SLC1A6: variants seen among roughly 807,000 people sequenced by gnomAD.
SLC1A6 encodes the protein solute carrier family 1 member 6, also known as excitatory amino acid transporter 4.
SLC1A6 carries 15 observed loss-of-function variants against 42.1 expected under a neutral mutation model. The ratio of observed to expected loss-of-function variants is 0.36; its 90% CI spans 0.24 to 0.55. The LOEUF (loss-of-function observed/expected upper bound fraction) is 0.55. Ranked by LOEUF, SLC1A6 falls within the 20% of genes least tolerant of loss-of-function variation. SLC1A6 has a pLI of 0.88. For synonymous variants in SLC1A6, 317 were observed against 319.7 expected (o/e 0.99, Z 0.09); for missense variants, 542 against 772.5 (o/e 0.70, Z 3.54).
At chr19:14,989,522 A>G (rs1194039817) in intron 1 of SLC1A6, among the ~76,000 whole-genome samples, 1 of 151,896 alleles carries the variant, frequency 6.6e-6, no homozygotes, top group Non-Finnish European at 1.5e-5. Flanking sequence ...CGGCCTCCCA[A>G]AGTGTGGAAT....
rs182421988 is a variant in SLC1A6, at chr19:14,991,348, G to A, written c.7-18431C>T. Among the ~76,000 whole-genome samples the A allele has an allele frequency of 8.5e-5, 13 of 152,262 alleles. No individual in the cohort carries two copies. In the East Asian group the frequency reaches 2.3e-3, roughly 27 times the overall value. On this transcript the variant is annotated intron_variant, in intron 1 of 8. Coordinates refer to the SLC1A6 transcript ENST00000430939. ...CTCTTTAAAAGGGTTAATTTGACTA[G>A]GTGCGGTGGCTCATACCTGTAATCC... is the stretch of plus-strand genomic sequence containing the variant.
At chr19:14,957,430 G>C (rs1350747728) in intron 6 of SLC1A6, among the ~76,000 whole-genome samples, 1 of 152,148 alleles carries the variant, frequency 6.6e-6, no homozygotes, top group Non-Finnish European at 1.5e-5. Flanking sequence ...CATGAGGGTA[G>C]AGCCATCATG....
At chr19:14,980,727 T>C (rs1159940743), upstream of SLC1A6, among the ~76,000 whole-genome samples, 1 of 151,998 alleles carries the variant, frequency 6.6e-6, no homozygotes, top group Admixed American at 6.6e-5. Flanking sequence ...GAAGTGTTGA[T>C]GGCGACCTCC....
At chr19:14,960,558 TATGA>T (rs1299974063) in intron 6 of SLC1A6, among the ~76,000 whole-genome samples, 15 of 152,258 alleles carry the variant, frequency 9.9e-5, no homozygotes, top group South Asian at 2.1e-4. Context: ...TGCAGAAAGG[TATGA>T]ATGAATGAAT....
At chr19:14,972,592 C>T (rs1600011174) in intron 2 of SLC1A6, 114 bp downstream of exon 2, 1 of 800,306 alleles carries the variant, frequency 1.2e-6, no homozygotes, top group Non-Finnish European at 2.1e-6. Flanking sequence ...GGGACTGGGA[C>T]GTGTGTGCAG....
At chr19:14,969,206 C>T (rs1228856227) in intron 3 of SLC1A6, among the ~76,000 whole-genome samples, 1 of 152,176 alleles carries the variant, frequency 6.6e-6, no homozygotes, top group African/African-American at 2.4e-5. Flanking sequence ...TCCTCCAACC[C>T]ACCTCACGGC....
At chr19:15,010,467 C>G (rs1316757951) in intron 1 of SLC1A6, 1 of 508,104 alleles carries the variant, frequency 2.0e-6, no homozygotes, top group Admixed American at 2.3e-5. Context: ...AGAAGCCTGG[C>G]CCTTCTTCCA....
At chr19:14,995,639 T>C (rs1187673322) in intron 1 of SLC1A6, among the ~76,000 whole-genome samples, 2 of 152,160 alleles carry the variant, frequency 1.3e-5, no homozygotes, top group Non-Finnish European at 2.9e-5. Context: ...ACAATATATA[T>C]ATACGATAAA....
At chr19:14,981,325 C>T (rs985757757), upstream of SLC1A6, among the ~76,000 whole-genome samples, 5 of 151,774 alleles carry the variant, frequency 3.3e-5, no homozygotes, top group Non-Finnish European at 7.4e-5. Flanking sequence ...GAAAAGATAT[C>T]TGATGCCCAA....
chr19:15,010,454 G>T (rs1307047916), intron 1 of SLC1A6: 1 of 492,742 alleles, frequency 2.0e-6, no homozygotes, highest in East Asian at 5.7e-5. Flanking sequence ...GGAATGCCTG[G>T]TGAGAAGCCT....
chr19:14,962,472 G>C, intron 5 of SLC1A6, 127 bp from the exon 6 acceptor site: 5 of 664,482 alleles, frequency 7.5e-6, no homozygotes, highest in Non-Finnish European at 1.3e-5. Flanking sequence ...CTTCATTATC[G>C]ATTATCACTC....
At chr19:14,978,831 C>T (rs114669651) in intron 1 of SLC1A6, among the ~76,000 whole-genome samples, 197 of 152,222 alleles carry the variant, frequency 1.3e-3, no homozygotes, top group African/African-American at 4.5e-3. Flanking sequence ...CACACACCTT[C>T]GTGGCTCTGC....
intron 9 of SLC1A6, among the ~76,000 whole-genome samples, chr19:14,951,253 C>CAAAAA (rs1164185118): frequency 4.4e-4 from 38 of 86,802 alleles, no homozygotes; most frequent in African/African-American, 6.0e-4. Context: ...CTCTGTCTCA[C>CAAAAA]AAAAAAAAAA....
At chr19:14,999,967 G>A (rs974953588) in intron 1 of SLC1A6, among the ~76,000 whole-genome samples, 3 of 151,888 alleles carry the variant, frequency 2.0e-5, no homozygotes, top group African/African-American at 7.3e-5. Flanking sequence ...TTAACATTAG[G>A]TATGTCTCCT....
Position 14,953,073 on chromosome 19 carries a change from A to G in SLC1A6, c.1365-11T>C. 5 of 1,601,696 alleles carry G rather than the reference A, an allele frequency of 3.1e-6. No homozygotes were observed. Among genetic ancestry groups the G allele is most frequent in the Non-Finnish European group, 4.3e-6 (5 of 1,170,920 alleles). Reference sequence around the variant, plus strand: ...GCTGTGGCCGTGATGCTGCAGGGGGAGGGAGAACATGGGGAGCAGATGGAG... The same window carrying G: ...GCTGTGGCCGTGATGCTGCAGGGGGGGGGAGAACATGGGGAGCAGATGGAG... On this transcript the variant is annotated splice_polypyrimidine_tract_variant and intron_variant, in intron 8 of 9. Transcript: ENST00000594383.
intron 1 of SLC1A6, among the ~76,000 whole-genome samples, chr19:14,990,788 A>AAC (rs138873746): frequency 9.9e-5 from 11 of 111,142 alleles, no homozygotes; most frequent in South Asian, 2.7e-4. Flanking sequence ...AAACAAAACA[A>AAC]AAAAAAAAAA....
At chr19:15,003,928 G>C (rs1203605299) in intron 1 of SLC1A6, among the ~76,000 whole-genome samples, 1 of 152,202 alleles carries the variant, frequency 6.6e-6, no homozygotes. Context: ...GGCCAAGCCG[G>C]GTGGATTGCC....
At chr19:14,974,284 G>A (rs1480029210) in intron 1 of SLC1A6, 1 of 151,464 alleles carries the variant, frequency 6.6e-6, no homozygotes, top group African/African-American at 2.4e-5. Flanking sequence ...TTGAATCCAG[G>A]AGGTGGAGGT....
intron 2 of SLC1A6, 43 bp from the exon 3 acceptor site, chr19:14,971,917 C>T (rs1568292079): frequency 6.2e-7 from 1 of 1,608,926 alleles, no homozygotes; most frequent in East Asian, 2.2e-5. Context: ...GTCTGGGTCG[C>T]TCAGCCCCAG....
Sources: allele counts gnomAD v4.1 joint callset (sites outside exome capture counted in the v4.1 genomes callset), GRCh38; gene constraint gnomAD v4.1.1; transcripts MANE v1.5; gene names NCBI Gene and HGNC (gene_info 2026-07-23, HGNC 2026-07-21).